The following GPR158 variants were observed in gnomAD, a reference collection of about 807,000 sequenced individuals.
The protein encoded by GPR158 is G protein-coupled receptor 158.
GPR158 carries 30 observed loss-of-function variants against 78.2 expected under a neutral mutation model. The observed-to-expected ratio is 0.38, with a 90% CI of 0.29 to 0.52. The LOEUF is 0.52. Among genes scored for constraint, GPR158 ranks in the 20% least tolerant of loss-of-function variants. The pLI is 0.83. For missense variants in GPR158, 1,463 were observed against 1,523.5 expected (o/e 0.96, Z 0.66); for synonymous variants, 581 against 591.1 (o/e 0.98, Z 0.25).
chr10:25,526,264 A>G (rs1472109427), intron 5 of GPR158, among the ~76,000 whole-genome samples: 2 of 152,190 alleles, frequency 1.3e-5, no homozygotes, highest in Non-Finnish European at 1.5e-5. Context: ...GGCAGAAACT[A>G]GAAGGGATTT....
intron 2 of GPR158, among the ~76,000 whole-genome samples, chr10:25,330,023 T>TC (rs1164637370): frequency 6.6e-6 from 1 of 151,658 alleles, no homozygotes. Context: ...TCTTTTTTTT[T>TC]TTTGTTATAC....
intron 4 of GPR158, among the ~76,000 whole-genome samples, chr10:25,464,786 G>A (rs1049395060): frequency 8.5e-5 from 13 of 152,068 alleles, no homozygotes; most frequent in Admixed American, 3.9e-4. Context: ...TTCATTTTTT[G>A]TGTCTTTTTT....
intron 2 of GPR158, among the ~76,000 whole-genome samples, chr10:25,254,132 C>A (rs1430757937): frequency 6.6e-6 from 1 of 152,162 alleles, no homozygotes; most frequent in African/African-American, 2.4e-5. Flanking sequence ...GTTTATTCTA[C>A]TGCTTGTACT....
intron 2 of GPR158, among the ~76,000 whole-genome samples, chr10:25,369,174 A>G (rs1245151288): frequency 8.0e-5 from 12 of 150,780 alleles, no homozygotes; most frequent in South Asian, 2.1e-4. Flanking sequence ...TCTCCTGCCT[A>G]ATTGCCCTGG....
intron 1 of GPR158, among the ~76,000 whole-genome samples, chr10:25,178,816 T>G (rs1441527696): frequency 6.6e-6 from 1 of 152,192 alleles, no homozygotes; most frequent in Non-Finnish European, 1.5e-5. Context: ...GTCTCATAGA[T>G]GAAGAAACAG....
chr10:25,346,424 C>G (rs1855372381), intron 2 of GPR158, among the ~76,000 whole-genome samples: 1 of 151,870 alleles, frequency 6.6e-6, no homozygotes, highest in Admixed American at 6.6e-5. Context: ...TATAAACAAA[C>G]ATTTTTCTCT....
intron 2 of GPR158, among the ~76,000 whole-genome samples, chr10:25,248,363 T>G (rs1853733573): frequency 6.6e-6 from 1 of 152,178 alleles, no homozygotes; most frequent in African/African-American, 2.4e-5. Flanking sequence ...GCCATTGCTT[T>G]TGGTGTTTTG....
chr10:25,278,318 G>A (rs1854215276), intron 2 of GPR158, among the ~76,000 whole-genome samples: 1 of 152,094 alleles, frequency 6.6e-6, no homozygotes, highest in Admixed American at 6.6e-5. Context: ...ATATATTAGA[G>A]TCAGGTGAAG....
intron 2 of GPR158, among the ~76,000 whole-genome samples, chr10:25,226,386 G>T (rs1364527999): frequency 6.6e-6 from 1 of 152,108 alleles, no homozygotes; most frequent in Non-Finnish European, 1.5e-5. Context: ...TCAAATCCCT[G>T]AGTTTCCTTG....
intron 4 of GPR158, among the ~76,000 whole-genome samples, chr10:25,462,712 T>A (rs554329670): frequency 1.3e-5 from 2 of 152,286 alleles, no homozygotes; most frequent in South Asian, 4.1e-4. Context: ...ACTGCAGATA[T>A]GGTGAAAATA....
chr10:25,492,169 C>CTT, intron 5 of GPR158, among the ~76,000 whole-genome samples: 1 of 152,164 alleles, frequency 6.6e-6, no homozygotes, highest in African/African-American at 2.4e-5. Context: ...TTTCAACAAC[C>CTT]AGCTCTTGGG....
chr10:25,499,778 C>T (rs1588888526), intron 5 of GPR158, among the ~76,000 whole-genome samples: 2 of 152,260 alleles, frequency 1.3e-5, no homozygotes, highest in East Asian at 3.9e-4. Flanking sequence ...CTCCAGGCAA[C>T]ATGCATAGCA....
chr10:25,223,378 C>T (rs1400546266), intron 2 of GPR158, among the ~76,000 whole-genome samples: 1 of 152,106 alleles, frequency 6.6e-6, no homozygotes, highest in Middle Eastern at 3.2e-3. Flanking sequence ...TCAGGAGGCC[C>T]TCATGGGGTA....
chr10:25,576,543 C>T (rs1217799324), intron 7 of GPR158, among the ~76,000 whole-genome samples: 1 of 151,970 alleles, frequency 6.6e-6, no homozygotes, highest in Non-Finnish European at 1.5e-5. Flanking sequence ...TTGAATAATA[C>T]TGGGAAAGAG....
intron 2 of GPR158, among the ~76,000 whole-genome samples, chr10:25,347,630 A>G (rs1855391004): frequency 1.3e-5 from 2 of 152,056 alleles, no homozygotes; most frequent in South Asian, 4.1e-4. Flanking sequence ...GACTATCTAG[A>G]AAATTGGAAG....
At chr10:25,361,956 T>G (rs1182928895) in intron 2 of GPR158, among the ~76,000 whole-genome samples, 1 of 151,960 alleles carries the variant, frequency 6.6e-6, no homozygotes, top group East Asian at 1.9e-4. Context: ...TGTCCTTCAG[T>G]GCACAAAACT....
At chr10:25,438,809 G>A (rs1835031724) in intron 4 of GPR158, among the ~76,000 whole-genome samples, 2 of 152,068 alleles carry the variant, frequency 1.3e-5, no homozygotes, top group South Asian at 4.1e-4. Context: ...TGAAGTCAGG[G>A]GTTTATTTCT....
At chr10:25,180,538 A>G (rs1852599886) in intron 1 of GPR158, among the ~76,000 whole-genome samples, 2 of 152,212 alleles carry the variant, frequency 1.3e-5, no homozygotes, top group South Asian at 4.1e-4. Context: ...AGTGATATAC[A>G]CTTACTCTTT....
chr10:25,478,457 T>A (rs1350852711), intron 5 of GPR158, among the ~76,000 whole-genome samples: 1 of 151,796 alleles, frequency 6.6e-6, no homozygotes, highest in African/African-American at 2.4e-5. Context: ...GATGTGTAGA[T>A]ACATATAGAA....
Sources: allele counts gnomAD v4.1 joint callset (sites outside exome capture counted in the v4.1 genomes callset), GRCh38; gene constraint gnomAD v4.1.1; transcripts MANE v1.5; gene names NCBI Gene and HGNC (gene_info 2026-07-23, HGNC 2026-07-21).